GALNTL6: variants seen among roughly 807,000 people sequenced by gnomAD.
The protein encoded by GALNTL6 is polypeptide N-acetylgalactosaminyltransferase like 6.
In GALNTL6, 46 loss-of-function variants were observed where a neutral mutation model predicts 73.7. The ratio of observed to expected loss-of-function variants is 0.62; its 90% CI spans 0.49 to 0.80. The LOEUF is 0.80. GALNTL6 is among the 30% of genes least tolerant of loss of function. The pLI is 0.00. For missense variants in GALNTL6, 604 were observed against 755.0 expected (o/e 0.80, Z 2.34); for synonymous variants, 259 against 263.7 (o/e 0.98, Z 0.17).
intron 2 of GALNTL6, among the ~76,000 whole-genome samples, chr4:172,124,754 A>C (rs1033921988): frequency 1.3e-5 from 2 of 152,166 alleles, no homozygotes; most frequent in Non-Finnish European, 2.9e-5. Flanking sequence ...CTAGTACTTA[A>C]ATTTAATCAG....
intron 8 of GALNTL6, among the ~76,000 whole-genome samples, chr4:172,912,474 A>G (rs1270877657): frequency 6.6e-6 from 1 of 152,226 alleles, no homozygotes; most frequent in Admixed American, 6.5e-5. Context: ...AGACAAGGGA[A>G]GCCATGACAG....
chr4:172,911,488 A>G (rs1747200143), intron 8 of GALNTL6, among the ~76,000 whole-genome samples: 1 of 152,212 alleles, frequency 6.6e-6, no homozygotes, highest in African/African-American at 2.4e-5. Context: ...GTGGCACATC[A>G]CATGCCCCCA....
intron 5 of GALNTL6, among the ~76,000 whole-genome samples, chr4:172,733,095 C>T (rs778308422): frequency 6.6e-6 from 1 of 152,198 alleles, no homozygotes; most frequent in African/African-American, 2.4e-5. Flanking sequence ...CTCCCTTTAG[C>T]ATTTCTTGCA....
intron 2 of GALNTL6, among the ~76,000 whole-genome samples, chr4:171,987,437 C>T (rs1027359009): frequency 6.6e-6 from 1 of 152,102 alleles, no homozygotes; most frequent in Non-Finnish European, 1.5e-5. Flanking sequence ...ACTGCGGTGG[C>T]CTTCTCAGAC....
chr4:171,962,451 G>A (rs776652570), intron 2 of GALNTL6, among the ~76,000 whole-genome samples: 1 of 152,106 alleles, frequency 6.6e-6, no homozygotes, highest in East Asian at 1.9e-4. Flanking sequence ...ACCTCTGGTC[G>A]TCCTCATTAC....
At chr4:172,805,537 T>G (rs1264370266) in intron 5 of GALNTL6, among the ~76,000 whole-genome samples, 2 of 152,168 alleles carry the variant, frequency 1.3e-5, no homozygotes, top group Non-Finnish European at 2.9e-5. Context: ...TTAACAGTAA[T>G]TTATTCACTG....
chr4:173,014,011 G>A lies in GALNTL6; in HGVS notation c.1488+4717G>A, dbSNP rs573850733. On this transcript the variant is annotated intron_variant, in intron 11 of 12. Transcript: ENST00000506823. ...CAAAAACATTCAAAAAACACAAAAG[G>A]AGACTTATTAGAGTTGAAATAATCC... 5.9e-5 allele frequency among the ~76,000 whole-genome samples: 9 copies of A among 151,358 alleles called. No individual in the cohort carries two copies. In the South Asian group the frequency reaches 1.9e-3, roughly 32 times the overall value.
intron 2 of GALNTL6, among the ~76,000 whole-genome samples, chr4:172,130,650 G>C (rs1347304999): frequency 6.6e-6 from 1 of 151,986 alleles, no homozygotes; most frequent in Non-Finnish European, 1.5e-5. Context: ...CAATATAGGT[G>C]TAAATTGTGC....
At chr4:171,948,170 T>C (rs1738757955) in intron 2 of GALNTL6, among the ~76,000 whole-genome samples, 1 of 6,712 alleles carries the variant, frequency 1.5e-4, no homozygotes, top group Non-Finnish European at 2.6e-3. Flanking sequence ...AAATTCAATT[T>C]TTGGAAAAAA....
intron 5 of GALNTL6, among the ~76,000 whole-genome samples, chr4:172,662,514 CG>C (rs1158881150): frequency 6.6e-6 from 1 of 152,184 alleles, no homozygotes. Context: ...GCTCAGTCAA[CG>C]GGAAACCTGG....
chr4:172,863,561 C>A (rs11942817), intron 7 of GALNTL6, among the ~76,000 whole-genome samples: 14,382 of 152,220 alleles, frequency 0.094, 844 homozygotes, highest in Non-Finnish European at 0.14. Flanking sequence ...TGGCCAATTT[C>A]TCCCATTTGG....
At chr4:172,489,526 T>C (rs1446855509) in intron 5 of GALNTL6, among the ~76,000 whole-genome samples, 11 of 152,250 alleles carry the variant, frequency 7.2e-5, no homozygotes, top group Admixed American at 5.9e-4. Context: ...GTGTATTATA[T>C]GTATGTGTTT....
chr4:172,265,398 G>A (rs1738416175), intron 3 of GALNTL6, among the ~76,000 whole-genome samples: 1 of 152,066 alleles, frequency 6.6e-6, no homozygotes, highest in Non-Finnish European at 1.5e-5. Flanking sequence ...AAATTTGCCT[G>A]AGAGCCTAAG....
chr4:172,803,588 C>T (rs187146681), intron 5 of GALNTL6, among the ~76,000 whole-genome samples: 20 of 152,232 alleles, frequency 1.3e-4, no homozygotes, highest in African/African-American at 4.8e-4. Flanking sequence ...GATGTGTCTT[C>T]CTATCAGGAA....
In GALNTL6 at chr4:173,021,690, T is replaced by C; in HGVS notation, c.1638+65T>C. The stretch of plus-strand genomic sequence containing the variant: ...GGTTTAAGTTATTCTTACTCAGTTT[T>C]CTTTGAAAACACACCGTTTTAGGCC... On this transcript the variant is annotated intron_variant, in intron 12 of 12. Coordinates refer to ENST00000506823, the MANE Select transcript of GALNTL6 (RefSeq NM_001034845.3). 4 of 1,564,318 alleles carry C rather than the reference T, an allele frequency of 2.6e-6. No homozygotes were observed. In the South Asian group the frequency reaches 4.5e-5, roughly 18 times the overall value.
intron 7 of GALNTL6, among the ~76,000 whole-genome samples, chr4:172,823,804 G>A (rs1291809803): frequency 2.6e-5 from 4 of 152,288 alleles, no homozygotes; most frequent in African/African-American, 4.8e-5. Flanking sequence ...TTTACACCAT[G>A]AATGAAAATT....
Position 172,596,019 on chromosome 4 carries a change from A to G in GALNTL6, c.554-213342A>G, listed in dbSNP as rs192846514. On this transcript the variant is annotated intron_variant, in intron 5 of 12. Coordinates refer to ENST00000506823, the MANE Select transcript of GALNTL6 (RefSeq NM_001034845.3). ...TATATAAAAACATATAAATATATAA[A>G]CATATAAGTGTTATGCAGTTTTTGA... Among the ~76,000 whole-genome samples the G allele has an allele frequency of 6.9e-4, 105 of 152,230 alleles. 3 individuals are homozygous for G. The highest frequency in any genetic ancestry group is 2.4e-3 in the African/African-American group (98 of 41,560).
At chr4:172,541,587 G>C (rs768864795) in intron 5 of GALNTL6, among the ~76,000 whole-genome samples, 5 of 152,200 alleles carry the variant, frequency 3.3e-5, no homozygotes, top group Non-Finnish European at 7.3e-5. Flanking sequence ...GGCTGAGTAG[G>C]CAACTTGAGA....
chr4:172,141,994 AAT>A (rs1733816372), intron 2 of GALNTL6, among the ~76,000 whole-genome samples: 1 of 151,910 alleles, frequency 6.6e-6, no homozygotes, highest in African/African-American at 2.4e-5. Flanking sequence ...TTGCTGAAAG[AAT>A]CAGTGTACAC....
Sources: allele counts gnomAD v4.1 joint callset (sites outside exome capture counted in the v4.1 genomes callset), GRCh38; gene constraint gnomAD v4.1.1; transcripts MANE v1.5; gene names NCBI Gene and HGNC (gene_info 2026-07-23, HGNC 2026-07-21).